The following ZMAT4 variants were observed in gnomAD, a reference collection of about 807,000 sequenced individuals.
ZMAT4 encodes zinc finger matrin-type 4, also known as zinc finger matrin-type protein 4.
Under a neutral mutation model 28.7 loss-of-function variants are expected in ZMAT4, and 17 were observed. That is an observed-to-expected ratio of 0.59 (90% CI 0.41 to 0.89). The LOEUF (loss-of-function observed/expected upper bound fraction) is 0.89. ZMAT4 is among the 40% of genes least tolerant of loss of function. ZMAT4 has a pLI of 0.00. For missense variants in ZMAT4, 240 were observed against 283.8 expected, an observed-to-expected ratio of 0.85 and a Z score of 1.11; for synonymous variants, 117 against 109.2, an observed-to-expected ratio of 1.07 and a Z score of -0.44.
intron 6 of ZMAT4, among the ~76,000 whole-genome samples, chr8:40,543,392 G>A (rs538142532): frequency 2.7e-4 from 41 of 152,294 alleles, no homozygotes; most frequent in Middle Eastern, 3.4e-3. Flanking sequence ...TGGGTGTAGC[G>A]TCTGCTGTAG....
chr8:40,897,484 C>T (rs1321747882), intron 1 of ZMAT4, among the ~76,000 whole-genome samples, 199 bp downstream of exon 1: 1 of 152,208 alleles, frequency 6.6e-6, no homozygotes, highest in Non-Finnish European at 1.5e-5. Context: ...GAGTAGTAAA[C>T]AAGCCCATTT....
At chr8:40,840,987 T>C (rs17647793) in intron 1 of ZMAT4, among the ~76,000 whole-genome samples, 22,288 of 152,242 alleles carry the variant, frequency 0.15, 2,170 homozygotes, top group Non-Finnish European at 0.21. Context: ...CCGGGGGAGT[T>C]CTTCGGCTAA....
chr8:40,565,875 C>G (rs1293157802), intron 6 of ZMAT4, among the ~76,000 whole-genome samples: 1 of 151,784 alleles, frequency 6.6e-6, no homozygotes, highest in Non-Finnish European at 1.5e-5. Flanking sequence ...ACACTCCTGA[C>G]AGCTGCTAAT....
At chr8:40,761,055 C>G (rs1812917599) in intron 3 of ZMAT4, among the ~76,000 whole-genome samples, 1 of 149,450 alleles carries the variant, frequency 6.7e-6, no homozygotes. Context: ...TGAGGGTGGG[C>G]TGGGGCAGTG....
At chr8:40,800,464 A>C (rs1315443916) in intron 2 of ZMAT4, among the ~76,000 whole-genome samples, 2 of 152,222 alleles carry the variant, frequency 1.3e-5, no homozygotes, top group Non-Finnish European at 2.9e-5. Context: ...TAGGACATGC[A>C]TCAAAATAAG....
intron 5 of ZMAT4, among the ~76,000 whole-genome samples, chr8:40,591,533 C>T (rs1379544926): frequency 6.6e-6 from 1 of 152,194 alleles, no homozygotes; most frequent in Non-Finnish European, 1.5e-5. Flanking sequence ...TTTCCCCCTC[C>T]CCACCCCAGT....
intron 2 of ZMAT4, among the ~76,000 whole-genome samples, chr8:40,799,172 TAGAGAG>T (rs113084676): frequency 6.8e-6 from 1 of 147,950 alleles, no homozygotes; most frequent in East Asian, 2.0e-4. Flanking sequence ...GATGGATGAA[TAGAGAG>T]AGAGAGAGAC....
chr8:40,826,375 T>C (rs535312785), intron 1 of ZMAT4, among the ~76,000 whole-genome samples: 39 of 152,308 alleles, frequency 2.6e-4, no homozygotes, highest in African/African-American at 9.4e-4. Flanking sequence ...TATGTATAGA[T>C]GCATTAAAAA....
intron 1 of ZMAT4, among the ~76,000 whole-genome samples, chr8:40,856,207 T>A (rs1003317448): frequency 6.6e-6 from 1 of 152,150 alleles, no homozygotes; most frequent in Non-Finnish European, 1.5e-5. Flanking sequence ...GCTTTTCTAA[T>A]GGGGAACCAT....
intron 2 of ZMAT4, among the ~76,000 whole-genome samples, chr8:40,812,941 AAATT>A (rs766110577): frequency 0.036 from 3,939 of 110,502 alleles, 172 homozygotes; most frequent in African/African-American, 0.11. Context: ...CTCAAAAATT[AAATT>A]AAATTAAATT....
At chr8:40,585,240 C>T (rs966592311) in intron 5 of ZMAT4, among the ~76,000 whole-genome samples, 2 of 152,084 alleles carry the variant, frequency 1.3e-5, no homozygotes, top group Admixed American at 1.3e-4. Context: ...CCACAAATAT[C>T]TGGGATGTTC....
intron 5 of ZMAT4, among the ~76,000 whole-genome samples, chr8:40,612,819 T>G (rs1443665396): frequency 1.1e-5 from 1 of 91,814 alleles, no homozygotes; most frequent in African/African-American, 3.0e-5. Context: ...TTGTTTTTTT[T>G]TTTTTTTTTT....
chr8:40,733,087 C>T (rs1811614039), intron 3 of ZMAT4, among the ~76,000 whole-genome samples: 1 of 151,956 alleles, frequency 6.6e-6, no homozygotes, highest in African/African-American at 2.4e-5. Flanking sequence ...TCAAGCAATC[C>T]TGCCTCCTGA....
chr8:40,560,883 T>A (rs1464970100), intron 6 of ZMAT4, among the ~76,000 whole-genome samples: 1 of 152,124 alleles, frequency 6.6e-6, no homozygotes, highest in Non-Finnish European at 1.5e-5. Flanking sequence ...AACCCTAACC[T>A]TTTCCTCTGT....
chr8:40,865,442 G>A (rs942348833), intron 1 of ZMAT4, among the ~76,000 whole-genome samples: 15 of 152,304 alleles, frequency 9.8e-5, no homozygotes, highest in African/African-American at 3.6e-4. Context: ...AATGACCAAT[G>A]GCAGAGGGAT....
intron 3 of ZMAT4, among the ~76,000 whole-genome samples, chr8:40,713,921 C>CAAAAAAAAAAAAAAAAAAAAAAA (rs532317102): frequency 4.0e-5 from 2 of 50,026 alleles, no homozygotes; most frequent in Non-Finnish European, 8.5e-5. Context: ...AAAACAAAAC[C>CAAAAAAAAAAAAAAAAAAAAAAA]AAAAAAAAAA....
intron 1 of ZMAT4, among the ~76,000 whole-genome samples, chr8:40,850,382 G>A (rs1036141297): frequency 3.3e-5 from 5 of 151,986 alleles, no homozygotes; most frequent in African/African-American, 9.7e-5. Context: ...TCCCTACAGC[G>A]AGCCCCCATC....
chr8:40,600,319 T>C (rs1563359017), intron 5 of ZMAT4, among the ~76,000 whole-genome samples: 1 of 152,156 alleles, frequency 6.6e-6, no homozygotes, highest in East Asian at 1.9e-4. Context: ...CAAAGCAAAA[T>C]ATCTCTTGCA....
intron 6 of ZMAT4, among the ~76,000 whole-genome samples, chr8:40,579,626 A>G (rs28603251): frequency 0.2 from 30,962 of 152,178 alleles, 3,258 homozygotes; most frequent in African/African-American, 0.24. Flanking sequence ...CACCTGAGCT[A>G]GACTCCCTGT....
Sources: gnomAD v4.1 joint callset for allele counts (sites outside exome capture counted in the v4.1 genomes callset) on GRCh38, gnomAD v4.1.1 for gene constraint, MANE v1.5 for transcripts, NCBI Gene and HGNC (gene_info 2026-07-23, HGNC 2026-07-21) for gene names.